KIRREL3: variants seen among roughly 807,000 people sequenced by gnomAD.
KIRREL3 encodes kirre like nephrin family adhesion molecule 3, also known as kin of IRRE-like protein 3.
Under a neutral mutation model 89.7 loss-of-function variants are expected in KIRREL3, and 36 were observed. That is an observed-to-expected ratio of 0.40 (90% CI 0.31 to 0.53). The LOEUF is 0.53. KIRREL3 is among the 20% of genes least tolerant of loss of function. The probability of loss-of-function intolerance (pLI) is 0.49; values close to 1 mark genes in which losing one functional copy is unlikely to be tolerated. For synonymous variants in KIRREL3, 445 were observed against 441.4 expected (o/e 1.01, Z -0.10); for missense variants, 864 against 1,056.6 (o/e 0.82, Z 2.53).
In KIRREL3 at chr11:126,437,665, C is replaced by T. The variant is rs908745159; in HGVS notation, c.1354-656G>A. On this transcript the variant is annotated intron_variant, in intron 11 of 16. Transcript: ENST00000525144. Reference sequence around the variant, plus strand: ...AACATGATACAGACATGTACATACACATGGCAGACACGACACCACATCTAC... The same window carrying T: ...AACATGATACAGACATGTACATACATATGGCAGACACGACACCACATCTAC... Among the ~76,000 whole-genome samples the T allele has an allele frequency of 2.0e-5, 3 of 151,512 alleles. No homozygotes were observed. The South Asian group carries it at 6.2e-4, about 32-fold the overall frequency.
rs568454913 is a variant in KIRREL3 at position 126,994,142 on chromosome 11, G to A, written c.55+6313C>T. 2.3e-4 allele frequency among the ~76,000 whole-genome samples: 35 copies of A among 152,222 alleles called. No homozygotes were observed. In the South Asian group the frequency reaches 7.1e-3, roughly 31 times the overall value. On this transcript the variant is annotated intron_variant, in intron 1 of 16. Coordinates refer to ENST00000525144, the MANE Select transcript of KIRREL3 (RefSeq NM_032531.4). The surrounding 1 kb of genome is among the most constrained non-coding windows in gnomAD (Gnocchi z 5.2). The stretch of plus-strand genomic sequence containing the variant: ...GGGTGAGAGCATAGCTCCCATTTGA[G>A]AAAAGTGGCTGATTCTGGAGATATC...
chr11:126,457,322 CATGTGT>C (rs1440386530), intron 6 of KIRREL3, among the ~76,000 whole-genome samples: 2 of 142,402 alleles, frequency 1.4e-5, no homozygotes, highest in Non-Finnish European at 3.0e-5. Context: ...TGTGTGTATG[CATGTGT>C]ATGTGTATAT....
At position 126,697,690 on chromosome 11, in the gene KIRREL3, T is replaced by C. The variant is rs1298660238; in HGVS notation, c.56-134778A>G. ...CTTTCCTCCCAGTCCAAACCACAAA[T>C]CCTAAATGCTCATTCAGCCTCACTT... On this transcript the variant is annotated intron_variant, in intron 1 of 16. Coordinates refer to ENST00000525144, the MANE Select transcript of KIRREL3 (RefSeq NM_032531.4). The surrounding 1 kb of genome is among the most constrained non-coding windows in gnomAD (Gnocchi z 4.2). 1.3e-5 allele frequency among the ~76,000 whole-genome samples: 2 copies of C among 152,180 alleles called. No individual in the cohort carries two copies. Among genetic ancestry groups the C allele is most frequent in the African/African-American group, 2.4e-5 (1 of 41,436 alleles).
chr11:126,439,519 A>G (rs1364771653), intron 11 of KIRREL3, among the ~76,000 whole-genome samples: 4 of 150,924 alleles, frequency 2.7e-5, no homozygotes, highest in African/African-American at 7.3e-5. Flanking sequence ...CCTCCCTTTA[A>G]AAAAATGCAG....
chr11:126,770,629 C>T (rs1178590845), intron 1 of KIRREL3, among the ~76,000 whole-genome samples: 2 of 152,134 alleles, frequency 1.3e-5, no homozygotes, highest in African/African-American at 2.4e-5. Context: ...CTGATATTTC[C>T]ACTCAGACAC....
chr11:126,941,892 C>A (rs757551314), intron 1 of KIRREL3, among the ~76,000 whole-genome samples: 1 of 152,214 alleles, frequency 6.6e-6, no homozygotes, highest in Non-Finnish European at 1.5e-5. Flanking sequence ...TTATTCAATG[C>A]AAGCCATCAA....
chr11:126,767,447 T>C (rs917902681), intron 1 of KIRREL3, among the ~76,000 whole-genome samples: 68 of 152,174 alleles, frequency 4.5e-4, no homozygotes, highest in Non-Finnish European at 9.1e-4. Context: ...GCTGGGAATG[T>C]AGACAACTAA....
At position 126,891,452 on chromosome 11, in the gene KIRREL3, T is replaced by C. The variant is rs1945917369; in HGVS notation, c.55+109003A>G. Among the ~76,000 whole-genome samples the C allele has an allele frequency of 6.6e-6, 1 of 152,156 alleles. No individual in the cohort carries two copies. Among genetic ancestry groups the C allele is most frequent in the African/African-American group, 2.4e-5 (1 of 41,434 alleles). On this transcript the variant is annotated intron_variant, in intron 1 of 16. Transcript: ENST00000525144. This position sits in a 1 kb window ranked among gnomAD's most constrained non-coding sequence, Gnocchi z 5.1. ...GAAAGGCAGAAGAGGAGGCAAGAGG[T>C]GAGCCCATGTCCTACTAAATGCCTG...
rs578250230 is a variant in KIRREL3 at position 126,501,235 on chromosome 11, G to T, written c.433+20080C>A. On this transcript the variant is annotated intron_variant, in intron 4 of 16. Transcript: ENST00000525144. The surrounding 1 kb of genome is among the most constrained non-coding windows in gnomAD (Gnocchi z 5.8). Reference sequence around the variant, plus strand: ...AGGCTGCAGGCAGGAAGCTCAGTTGGGTGAACCCAGGCAAACCCAGGAGTC... The same window carrying T: ...AGGCTGCAGGCAGGAAGCTCAGTTGTGTGAACCCAGGCAAACCCAGGAGTC... Among the ~76,000 whole-genome samples the T allele has an allele frequency of 8.0e-4, 122 of 152,314 alleles. No individual in the cohort carries two copies. Among genetic ancestry groups the T allele is most frequent in the Middle Eastern group, 6.8e-3 (2 of 294 alleles).
rs1195159186 is a variant in KIRREL3 at position 126,537,675 on chromosome 11, C to A, written c.134-10988G>T. Among the ~76,000 whole-genome samples the A allele has an allele frequency of 6.6e-6, 1 of 152,130 alleles. No homozygotes were observed. Among genetic ancestry groups the A allele is most frequent in the Admixed American group, 6.5e-5 (1 of 15,270 alleles). On this transcript the variant is annotated intron_variant, in intron 2 of 16. Coordinates refer to ENST00000525144, the MANE Select transcript of KIRREL3 (RefSeq NM_032531.4). This position sits in a 1 kb window ranked among gnomAD's most constrained non-coding sequence, Gnocchi z 4.3. ...CTGTACCTAGCAGTGTGATCTGAGG[C>A]CAGTGACTCACCCTTTCTGAGCTTC... is the stretch of plus-strand genomic sequence containing the variant.
intron 1 of KIRREL3, among the ~76,000 whole-genome samples, chr11:126,741,594 T>C (rs1174720195): frequency 6.6e-6 from 1 of 152,188 alleles, no homozygotes; most frequent in Non-Finnish European, 1.5e-5. Flanking sequence ...ATGGGAACTT[T>C]TAGTACATCG....
At position 126,454,344 on chromosome 11, in the gene KIRREL3, C is replaced by A. The variant is rs1367648492; in HGVS notation, c.848+2005G>T. Among the ~76,000 whole-genome samples, 1 of 152,092 alleles carries A rather than the reference C, an allele frequency of 6.6e-6. No individual in the cohort carries two copies. The highest frequency in any genetic ancestry group is 6.5e-5 in the Admixed American group (1 of 15,274). ...GCGTGCAGCCCTGCTGTCTGCCCAG[C>A]CTACCCATCACTAGGACCCCAGGTG... On this transcript the variant is annotated intron_variant, in intron 7 of 16. Transcript: ENST00000525144. The surrounding 1 kb of genome is among the most constrained non-coding windows in gnomAD (Gnocchi z 5.8).
rs1397463635 is a variant in KIRREL3 at position 126,607,868 on chromosome 11, G to A, written c.56-44956C>T. Among the ~76,000 whole-genome samples, 1 of 152,198 alleles carries A rather than the reference G, an allele frequency of 6.6e-6. No homozygotes were observed. Among genetic ancestry groups the A allele is most frequent in the East Asian group, 1.9e-4 (1 of 5,186 alleles). The stretch of plus-strand genomic sequence containing the variant: ...AAGACAGAGTTGCCACCCACTGCAA[G>A]GACGAACATCACTACTGGGTCAGCT... On this transcript the variant is annotated intron_variant, in intron 1 of 16. Transcript: ENST00000525144. The surrounding 1 kb of genome is among the most constrained non-coding windows in gnomAD (Gnocchi z 6.6).
chr11:126,952,103 T>C (rs1197834135), intron 1 of KIRREL3, among the ~76,000 whole-genome samples: 4 of 152,212 alleles, frequency 2.6e-5, no homozygotes, highest in Non-Finnish European at 4.4e-5. Flanking sequence ...AATAGAGTTT[T>C]GGCTGGGCAC....
intron 1 of KIRREL3, among the ~76,000 whole-genome samples, chr11:126,857,333 C>T (rs138276687): frequency 9.8e-5 from 15 of 152,354 alleles, no homozygotes; most frequent in African/African-American, 3.6e-4. Flanking sequence ...CTCCTGCCTG[C>T]CCCAACTTGC....
In KIRREL3 at chr11:126,627,016, C is replaced by CAA. The variant is rs573664615; in HGVS notation, c.56-64106_56-64105dup. ...ACACTGTCTCAAGAAAAAAAAAAAA[C>CAA]AAAAAAAAAAGAATAACCACAGTTT... On this transcript the variant is annotated intron_variant, in intron 1 of 16. Transcript: ENST00000525144. The surrounding 1 kb of genome is among the most constrained non-coding windows in gnomAD (Gnocchi z 5.0). 7.6e-4 allele frequency among the ~76,000 whole-genome samples: 45 copies of CAA among 59,068 alleles called. No individual in the cohort carries two copies. Among genetic ancestry groups the CAA allele is most frequent in the East Asian group, 6.6e-3 (18 of 2,740 alleles). 38.8% of individuals were successfully genotyped at this position (59,068 alleles called of 152,430 possible).
At chr11:126,915,506 C>G (rs1165520973) in intron 1 of KIRREL3, among the ~76,000 whole-genome samples, 1 of 152,122 alleles carries the variant, frequency 6.6e-6, no homozygotes, top group African/African-American at 2.4e-5. Flanking sequence ...GAGACGTGGT[C>G]AACTGTGATT....
At chr11:126,828,947 G>C (rs1943510833) in intron 1 of KIRREL3, among the ~76,000 whole-genome samples, 1 of 152,182 alleles carries the variant, frequency 6.6e-6, no homozygotes, top group Non-Finnish European at 1.5e-5. Flanking sequence ...AAGCCAGCAG[G>C]AGAGACAGTA....
At chr11:126,665,310 A>G (rs576934363) in intron 1 of KIRREL3, among the ~76,000 whole-genome samples, 27 of 152,318 alleles carry the variant, frequency 1.8e-4, no homozygotes, top group Admixed American at 3.9e-4. Context: ...CTGAGGGGAA[A>G]AATTCTACTA....
Sources: allele counts gnomAD v4.1 joint callset (sites outside exome capture counted in the v4.1 genomes callset), GRCh38; gene constraint gnomAD v4.1.1; non-coding constraint Gnocchi (gnomAD v3.1); transcripts MANE v1.5; gene names NCBI Gene and HGNC (gene_info 2026-07-23, HGNC 2026-07-21).